The following COMMD10 variants were observed in gnomAD, a reference collection of about 807,000 sequenced individuals.
COMMD10 encodes the protein COMM domain-containing protein 10.
A neutral mutation model predicts 28.9 loss-of-function variants in COMMD10; 33 were observed. The observed-to-expected ratio is 1.14, with a 90% CI of 0.87 to 1.53. The LOEUF (loss-of-function observed/expected upper bound fraction) is 1.53. Ranked by LOEUF, COMMD10 falls within the 40% of genes most tolerant of loss-of-function variation. COMMD10 has a pLI of 0.00. For synonymous variants in COMMD10, 110 were observed against 81.7 expected, an observed-to-expected ratio of 1.35 and a Z score of -1.87; for missense variants, 310 against 233.4, an observed-to-expected ratio of 1.33 and a Z score of -2.14.
Position 116,224,983 on chromosome 5 carries a change from A to G in COMMD10, c.511-66534A>G, listed in dbSNP as rs543936186. Among the ~76,000 whole-genome samples the G allele has an allele frequency of 2.0e-5, 3 of 152,316 alleles. No individual in the cohort carries two copies. In the East Asian group the frequency reaches 5.8e-4, roughly 29 times the overall value. The stretch of plus-strand genomic sequence containing the variant: ...TAAGAATGTTACTTTAACATTTTAT[A>G]TAATATCCTTTAACAATCTGTAGGC... On this transcript the variant is annotated intron_variant, in intron 5 of 6. Transcript: ENST00000274458.
At chr5:116,191,457 G>A (rs554753775) in intron 5 of COMMD10, among the ~76,000 whole-genome samples, 8 of 151,906 alleles carry the variant, frequency 5.3e-5, no homozygotes, top group South Asian at 2.1e-4. Context: ...TGTGGGGCTC[G>A]GTGGGAGTGA....
intron 5 of COMMD10, among the ~76,000 whole-genome samples, chr5:116,167,248 A>T (rs780095358): frequency 3.3e-5 from 5 of 151,954 alleles, no homozygotes; most frequent in Non-Finnish European, 7.4e-5. Context: ...AGGATATCAG[A>T]TTGAATATCA....
intron 4 of COMMD10, among the ~76,000 whole-genome samples, chr5:116,133,317 T>A (rs888211634): frequency 6.6e-6 from 1 of 152,214 alleles, no homozygotes; most frequent in Non-Finnish European, 1.5e-5. Context: ...CAATACTTTA[T>A]AAGAAAAGTT....
intron 5 of COMMD10, among the ~76,000 whole-genome samples, chr5:116,256,437 C>T (rs1190790474): frequency 6.6e-6 from 1 of 151,610 alleles, no homozygotes; most frequent in Non-Finnish European, 1.5e-5. Flanking sequence ...ATTTTGGGTG[C>T]TGTAGAAATT....
At chr5:116,258,083 T>G (rs1040652923) in intron 5 of COMMD10, among the ~76,000 whole-genome samples, 11 of 151,852 alleles carry the variant, frequency 7.2e-5, no homozygotes, top group Non-Finnish European at 1.5e-4. Flanking sequence ...ATGAGTATAT[T>G]TGAAGAAAAG....
rs550423000 is a variant in COMMD10 at position 116,110,953 on chromosome 5, T to G, written c.399+18253T>G. 5.3e-5 allele frequency among the ~76,000 whole-genome samples: 8 copies of G among 152,226 alleles called. No homozygotes were observed. In the East Asian group the frequency reaches 1.5e-3, roughly 29 times the overall value. On this transcript the variant is annotated intron_variant, in intron 4 of 6. Coordinates refer to ENST00000274458, the MANE Select transcript of COMMD10 (RefSeq NM_016144.4). ...TCCCATCAGGCCCCACCTCCAACATTGGGTATTACATTTCAATATGAGATT... is the reference window on the plus strand; with the variant it reads ...TCCCATCAGGCCCCACCTCCAACATGGGGTATTACATTTCAATATGAGATT...
At chr5:116,198,736 T>C (rs1281690035) in intron 5 of COMMD10, among the ~76,000 whole-genome samples, 5 of 152,178 alleles carry the variant, frequency 3.3e-5, no homozygotes, top group African/African-American at 9.7e-5. Context: ...CAGGTTTTCT[T>C]CTTTCACTTA....
intron 5 of COMMD10, among the ~76,000 whole-genome samples, chr5:116,163,365 A>C (rs1237827440): frequency 6.8e-6 from 1 of 148,040 alleles, no homozygotes; most frequent in Non-Finnish European, 1.5e-5. Context: ...CAGGTGGATC[A>C]CCCGAGGTCA....
At chr5:116,202,582 G>C (rs372079288) in intron 5 of COMMD10, among the ~76,000 whole-genome samples, 359 of 151,676 alleles carry the variant, frequency 2.4e-3, no homozygotes, top group Non-Finnish European at 4.1e-3. Context: ...GCCATTCTAA[G>C]TGGTGTGAGA....
chr5:116,149,996 C>G (rs1015487893), intron 5 of COMMD10, among the ~76,000 whole-genome samples: 7 of 152,040 alleles, frequency 4.6e-5, no homozygotes, highest in African/African-American at 1.7e-4. Flanking sequence ...TTAGGTCTAA[C>G]GTTTAAGTCT....
intron 4 of COMMD10, among the ~76,000 whole-genome samples, chr5:116,114,072 C>T (rs1249140579): frequency 6.6e-6 from 1 of 151,736 alleles, no homozygotes; most frequent in South Asian, 2.1e-4. Flanking sequence ...CTGTGGATTC[C>T]TTTGTGTGTT....
chr5:116,194,024 C>T (rs10063296), intron 5 of COMMD10, among the ~76,000 whole-genome samples: 1 of 152,064 alleles, frequency 6.6e-6, no homozygotes, highest in East Asian at 1.9e-4. Flanking sequence ...ACCTTCAAAA[C>T]CATGCAAATA....
intron 5 of COMMD10, among the ~76,000 whole-genome samples, chr5:116,137,919 A>G (rs1752077839): frequency 6.6e-6 from 1 of 151,816 alleles, no homozygotes; most frequent in Non-Finnish European, 1.5e-5. Context: ...AAGTGAGATT[A>G]TTTTCCTGTT....
At chr5:116,253,932 T>A (rs1054203731) in intron 5 of COMMD10, among the ~76,000 whole-genome samples, 8 of 151,946 alleles carry the variant, frequency 5.3e-5, no homozygotes, top group African/African-American at 1.9e-4. Flanking sequence ...GGTCCTGGAC[T>A]CTTCTTGGTT....
chr5:116,221,985 G>A (rs898954890), intron 5 of COMMD10, among the ~76,000 whole-genome samples: 1 of 152,150 alleles, frequency 6.6e-6, no homozygotes, highest in East Asian at 1.9e-4. Flanking sequence ...GTCAATGTCC[G>A]CATCTTCTTT....
chr5:116,202,416 G>A (rs1313276166), intron 5 of COMMD10, among the ~76,000 whole-genome samples: 3 of 151,968 alleles, frequency 2.0e-5, no homozygotes, highest in Admixed American at 2.0e-4. Flanking sequence ...TGGAATGGCT[G>A]GGTCAAATGG....
At chr5:116,087,948 G>C (rs530978801) in intron 2 of COMMD10, among the ~76,000 whole-genome samples, 39 of 152,214 alleles carry the variant, frequency 2.6e-4, no homozygotes, top group South Asian at 8.3e-4. Flanking sequence ...GAAAAATTCT[G>C]ATGTCTTGGT....
At chr5:116,172,640 A>C (rs1315048472) in intron 5 of COMMD10, among the ~76,000 whole-genome samples, 2 of 152,116 alleles carry the variant, frequency 1.3e-5, no homozygotes, top group African/African-American at 4.8e-5. Flanking sequence ...ATTTACTCAC[A>C]GTGTTTTGTG....
chr5:116,123,677 C>T (rs995369217), intron 4 of COMMD10, among the ~76,000 whole-genome samples: 5 of 152,120 alleles, frequency 3.3e-5, no homozygotes, highest in Non-Finnish European at 7.4e-5. Context: ...TGGTAGATTT[C>T]AGCTATGAAT....
Sources: gnomAD v4.1 joint callset for allele counts (sites outside exome capture counted in the v4.1 genomes callset) on GRCh38, gnomAD v4.1.1 for gene constraint, MANE v1.5 for transcripts, NCBI Gene and HGNC (gene_info 2026-07-23, HGNC 2026-07-21) for gene names.